Variants in PRSS3 observed in about 807,000 individuals in gnomAD.
PRSS3 encodes trypsin-3.
PRSS3 carries 14 observed loss-of-function variants against 20.8 expected under a neutral mutation model. That is an observed-to-expected ratio of 0.67 (90% CI 0.44 to 1.05). The LOEUF is 1.05. Among genes scored for constraint, PRSS3 ranks in the 50% least tolerant of loss-of-function variants. The pLI is 0.00. For missense variants in PRSS3, 237 were observed against 306.4 expected (o/e 0.77, Z 1.69); for synonymous variants, 91 against 117.6 (o/e 0.77, Z 1.46).
intron 1 of PRSS3, among the ~76,000 whole-genome samples, chr9:33,778,029 G>T (rs1824017418): frequency 9.1e-6 from 1 of 109,312 alleles, no homozygotes; most frequent in Non-Finnish European, 1.9e-5. Flanking sequence ...TATTCTAGGA[G>T]CCAGTTTGGT....
Position 33,751,763 on chromosome 9 carries a change from C to T in PRSS3, c.-53+1036C>T, listed in dbSNP as rs1822708127. Reference sequence around the variant, plus strand: ...ATGAGAAACGTGTACTGTTTTTAACCAGATGTGTTATATTTTCAGTATAAC... The same window carrying T: ...ATGAGAAACGTGTACTGTTTTTAACTAGATGTGTTATATTTTCAGTATAAC... On this transcript the variant is annotated intron_variant, in intron 1 of 5. Transcript: ENST00000342836. Among the ~76,000 whole-genome samples the T allele has an allele frequency of 3.3e-5, 5 of 152,152 alleles. No homozygotes were observed. The South Asian group carries it at 8.3e-4, about 25-fold the overall frequency.
At position 33,750,928 on chromosome 9, in the gene PRSS3, G is replaced by T; in HGVS notation, c.-53+201G>T. 1.6e-6 allele frequency: 2 copies of T among 1,241,682 alleles called. No individual in the cohort carries two copies. The highest frequency in any genetic ancestry group is 2.1e-6 in the Non-Finnish European group (2 of 973,084). 76.9% of individuals were successfully genotyped at this position (1,241,682 alleles called of 1,614,324 possible). A position where few individuals can be genotyped will look rare whatever the true frequency, so the allele number is the denominator to read the frequency against. On this transcript the variant is annotated intron_variant, in intron 1 of 5. Transcript: ENST00000342836. The surrounding 1 kb of genome is among the most constrained non-coding windows in gnomAD (Gnocchi z 4.8). ...TGGAGGCTCCTCTAGGGGAGGACGGGAGGGGATGGAGGGCCCTGGTGTCGC... is the reference window on the plus strand; with the variant it reads ...TGGAGGCTCCTCTAGGGGAGGACGGTAGGGGATGGAGGGCCCTGGTGTCGC...
chr9:33,786,505 C>T (rs562436112), intron 1 of PRSS3: 2 of 753,486 alleles, frequency 2.7e-6, no homozygotes, highest in East Asian at 2.4e-5. Flanking sequence ...TGTCGGCCCT[C>T]ATGAATATCT....
intron 1 of PRSS3, among the ~76,000 whole-genome samples, chr9:33,752,890 C>A (rs781023656): frequency 1.3e-5 from 2 of 152,212 alleles, no homozygotes; most frequent in African/African-American, 2.4e-5. Flanking sequence ...ATTCTCCTTG[C>A]CAGGACTTAG....
At chr9:33,752,400 GAC>G (rs1237488239) in intron 1 of PRSS3, among the ~76,000 whole-genome samples, 3 of 152,192 alleles carry the variant, frequency 2.0e-5, no homozygotes, top group Non-Finnish European at 4.4e-5. Context: ...AATGGGTGAG[GAC>G]AGTTTCACCA....
intron 1 of PRSS3, among the ~76,000 whole-genome samples, chr9:33,777,290 A>G (rs548017086): frequency 6.6e-6 from 1 of 152,242 alleles, no homozygotes; most frequent in East Asian, 1.9e-4. Context: ...AGTAAATGGC[A>G]ATGGAATTCT....
chr9:33,784,046 A>G (rs1587389489), intron 1 of PRSS3, among the ~76,000 whole-genome samples: 1 of 152,348 alleles, frequency 6.6e-6, no homozygotes, highest in South Asian at 2.1e-4. Flanking sequence ...ATCATTAACC[A>G]TGTGCATGTA....
At chr9:33,792,398 TG>T (rs1824675170), upstream of PRSS3, among the ~76,000 whole-genome samples, 1 of 152,192 alleles carries the variant, frequency 6.6e-6, no homozygotes. Context: ...GAAAGACTCA[TG>T]TAGCAACGTG....
At chr9:33,792,652 T>C (rs1223812620), upstream of PRSS3, among the ~76,000 whole-genome samples, 2 of 152,252 alleles carry the variant, frequency 1.3e-5, no homozygotes, top group Admixed American at 1.3e-4. Context: ...TAAAACCTAC[T>C]GGCTGTGTGG....
At chr9:33,763,451 G>A (rs1438165099) in intron 1 of PRSS3, among the ~76,000 whole-genome samples, 1 of 152,228 alleles carries the variant, frequency 6.6e-6, no homozygotes, top group Admixed American at 6.5e-5. Flanking sequence ...TGTAATCCCA[G>A]CACTTTGGGA....
At chr9:33,781,159 T>G (rs542709967) in intron 1 of PRSS3, among the ~76,000 whole-genome samples, 1 of 152,288 alleles carries the variant, frequency 6.6e-6, no homozygotes, top group Admixed American at 6.5e-5. Context: ...AAAACAGAGC[T>G]ACCATTCCAC....
intron 1 of PRSS3, among the ~76,000 whole-genome samples, chr9:33,774,944 C>T (rs1423251282): frequency 6.6e-6 from 1 of 151,934 alleles, no homozygotes; most frequent in Admixed American, 6.6e-5. Flanking sequence ...CAAGATTGCA[C>T]CATTGCATGC....
rs537327605 is a variant in PRSS3 at position 33,750,903 on chromosome 9, T to C, written c.-53+176T>C. On this transcript the variant is annotated intron_variant, in intron 1 of 5. Coordinates refer to the PRSS3 transcript ENST00000342836. This position sits in a 1 kb window ranked among gnomAD's most constrained non-coding sequence, Gnocchi z 4.8. ...ACTGGGAGGGGCTCAGGGACAGGGA[T>C]GGAGGCTCCTCTAGGGGAGGACGGG... 2.0e-5 allele frequency: 27 copies of C among 1,330,986 alleles called. No homozygotes were observed. In the East Asian group the frequency reaches 6.7e-4, roughly 33 times the overall value. 82.4% of individuals were successfully genotyped at this position (1,330,986 alleles called of 1,614,324 possible). A position where few individuals can be genotyped will look rare whatever the true frequency, so the allele number is the denominator to read the frequency against.
intron 1 of PRSS3, among the ~76,000 whole-genome samples, chr9:33,753,330 A>G (rs1660135652): frequency 6.6e-6 from 1 of 152,178 alleles, no homozygotes; most frequent in Non-Finnish European, 1.5e-5. Flanking sequence ...GTCAAGTCCA[A>G]TCTTGTGGTT....
chr9:33,769,444 A>G (rs1217932090), intron 1 of PRSS3, among the ~76,000 whole-genome samples: 4 of 152,166 alleles, frequency 2.6e-5, no homozygotes, highest in Non-Finnish European at 4.4e-5. Flanking sequence ...CTCGCCCCCT[A>G]TGGATTGCAT....
At chr9:33,781,522 A>G (rs1427510745) in intron 1 of PRSS3, among the ~76,000 whole-genome samples, 1 of 152,174 alleles carries the variant, frequency 6.6e-6, no homozygotes, top group Non-Finnish European at 1.5e-5. Flanking sequence ...ACTGAGCACT[A>G]CTTGAGGGGA....
upstream of PRSS3, among the ~76,000 whole-genome samples, chr9:33,794,280 C>T (rs1440294526): frequency 1.3e-5 from 2 of 152,188 alleles, no homozygotes; most frequent in African/African-American, 2.4e-5. Context: ...CTGCTCACTC[C>T]TGCCCATCAC....
intron 1 of PRSS3, among the ~76,000 whole-genome samples, chr9:33,762,624 A>C (rs1823253801): frequency 6.6e-6 from 1 of 152,200 alleles, no homozygotes; most frequent in Non-Finnish European, 1.5e-5. Flanking sequence ...AGAATGTACA[A>C]AAACGATGAA....
intron 1 of PRSS3, among the ~76,000 whole-genome samples, chr9:33,753,357 C>T (rs2734600): frequency 0.15 from 22,667 of 151,946 alleles, 1,974 homozygotes; most frequent in African/African-American, 0.23. Context: ...AGAAAAAAAA[C>T]GGATTTAAAA....
Sources: allele counts gnomAD v4.1 joint callset (sites outside exome capture counted in the v4.1 genomes callset), GRCh38; gene constraint gnomAD v4.1.1; non-coding constraint Gnocchi (gnomAD v3.1); transcripts MANE v1.5; gene names NCBI Gene and HGNC (gene_info 2026-07-23, HGNC 2026-07-21).